Variants in ZFC3H1 observed in about 807,000 individuals in gnomAD.
ZFC3H1 encodes zinc finger C3H1-type containing, also known as zinc finger C3H1 domain-containing protein.
Under a neutral mutation model 243.7 loss-of-function variants are expected in ZFC3H1, and 71 were observed. The observed-to-expected ratio is 0.29, with a 90% CI of 0.24 to 0.36. The LOEUF (loss-of-function observed/expected upper bound fraction) is 0.36. ZFC3H1 is among the 10% of genes least tolerant of loss of function. The pLI is 1.00. For synonymous variants in ZFC3H1, 838 were observed against 813.0 expected (o/e 1.03, Z -0.52); for missense variants, 1,966 against 2,317.1 (o/e 0.85, Z 3.11).
chr12:71,663,461 T>C lies in ZFC3H1; in HGVS notation c.150A>G (p.Leu50=). The C allele has an allele frequency of 1.9e-6, 3 of 1,612,480 alleles. No homozygotes were observed. The highest frequency in any genetic ancestry group is 2.5e-6 in the Non-Finnish European group (3 of 1,180,014). ...GAGGAGGCCTTCGCCGCGGATAGGG[T>C]AACAGCCCGCCGCCGCTGCTGCTGC... ...SSSSSSGGGL[L]PYPRRRPPHS... Residue 50 remains leucine, a synonymous_variant, in exon 1 of 35, where the codon TTA becomes TTG. Coordinates refer to ENST00000378743, the MANE Select transcript of ZFC3H1 (RefSeq NM_144982.5).
intron 27 of ZFC3H1, among the ~76,000 whole-genome samples, chr12:71,616,104 A>G (rs371965601): frequency 1.4e-4 from 22 of 152,270 alleles, no homozygotes; most frequent in South Asian, 8.3e-4. Context: ...AGCCTGGCTA[A>G]CAACTTGGGT....
At chr12:71,618,733 C>A (rs187026877) in intron 27 of ZFC3H1, among the ~76,000 whole-genome samples, 1 of 152,022 alleles carries the variant, frequency 6.6e-6, no homozygotes, top group Non-Finnish European at 1.5e-5. Context: ...GAGCCTCCCC[C>A]CAAAAAATCA....
At chr12:71,645,517 A>C (rs954513907) in intron 3 of ZFC3H1, among the ~76,000 whole-genome samples, 3 of 152,252 alleles carry the variant, frequency 2.0e-5, no homozygotes, top group Non-Finnish European at 2.9e-5. Flanking sequence ...CCAGTAATAG[A>C]GAACAACAGA....
At chr12:71,660,772 T>C (rs2137568075) in intron 1 of ZFC3H1, among the ~76,000 whole-genome samples, 1 of 152,158 alleles carries the variant, frequency 6.6e-6, no homozygotes, top group African/African-American at 2.4e-5. Flanking sequence ...CAACTACTTA[T>C]TTTCATTTGT....
Position 71,614,241 on chromosome 12 carries a change from T to C in ZFC3H1, c.5526+294A>G, listed in dbSNP as rs1014618512. On this transcript the variant is annotated intron_variant, in intron 30 of 34. Coordinates refer to ENST00000378743, the MANE Select transcript of ZFC3H1 (RefSeq NM_144982.5). ...CAGGTATTACAATAGAATCTTTCAT[T>C]TGACGTGTTTTTTCATTAATATGTA... Among the ~76,000 whole-genome samples the C allele has an allele frequency of 5.3e-5, 8 of 152,094 alleles. No individual in the cohort carries two copies. The East Asian group carries it at 1.5e-3, about 29-fold the overall frequency.
chr12:71,630,717 GCTGC>G lies in ZFC3H1; in HGVS notation c.3603_3606del (p.Trp1201CysfsTer24). 1 of 1,609,714 alleles carries G rather than the reference GCTGC, an allele frequency of 6.2e-7. No individual in the cohort carries two copies. Among genetic ancestry groups the G allele is most frequent in the Non-Finnish European group, 8.5e-7 (1 of 1,178,704 alleles). On this transcript the variant is annotated frameshift_variant and splice_region_variant, in exon 18 of 35. Transcript: ENST00000378743. LOFTEE classifies it high-confidence loss of function. ...CGGCTAAGTGTATAGTCTTGTATAT[GCTGC>G]CTAAGATAAAAAAAAACACAGAAAA... is the stretch of plus-strand genomic sequence containing the variant.
intron 16 of ZFC3H1, 71 bp from the exon 17 acceptor site, chr12:71,631,025 T>C (rs1880309412): frequency 7.0e-7 from 1 of 1,419,238 alleles, no homozygotes; most frequent in Admixed American, 2.5e-5. Flanking sequence ...AAAACTTTAG[T>C]TTTTCTTTCT....
At chr12:71,651,965 C>A (rs1387933079) in intron 2 of ZFC3H1, among the ~76,000 whole-genome samples, 3 of 152,126 alleles carry the variant, frequency 2.0e-5, no homozygotes, top group Non-Finnish European at 4.4e-5. Flanking sequence ...ATATGGATTA[C>A]AAACAAGTTT....
intron 22 of ZFC3H1, among the ~76,000 whole-genome samples, chr12:71,625,098 C>T (rs953195357): frequency 5.3e-5 from 8 of 152,176 alleles, no homozygotes; most frequent in East Asian, 1.9e-4. Context: ...ACAGCATTCA[C>T]TTAGGTACAA....
chr12:71,619,929 T>G lies in ZFC3H1; in HGVS notation c.5046A>C (p.Leu1682Phe). The stretch of plus-strand genomic sequence containing the variant: ...AAGAATTATGCATCATTTTTACCTG[T>G]AAGATGAAGAATTTGCACATATGAT... ...VFYHMCKFFI[L>F]QNRGDNLLPF... is the part of the protein sequence containing the mutation. The change falls in exon 26 of 35, where the codon TTA (leucine) becomes TTC (phenylalanine). Residue 1682 changes from leucine to phenylalanine, a missense_variant. Leu to Phe is a conservative substitution (Grantham distance 22). Coordinates refer to ENST00000378743, the MANE Select transcript of ZFC3H1 (RefSeq NM_144982.5). 1 of 1,579,840 alleles carries G rather than the reference T, an allele frequency of 6.3e-7. No homozygotes were observed. Among genetic ancestry groups the G allele is most frequent in the Non-Finnish European group, 8.6e-7 (1 of 1,162,614 alleles).
rs1159868732 is a variant in ZFC3H1, at chr12:71,636,486, T to C, written c.2100+4A>G. The stretch of plus-strand genomic sequence containing the variant: ...TAAAAGTAGCATTAAATTTTTGTTT[T>C]TACCGAGATCACAGTTCGTGGAAGA... On this transcript the variant is annotated splice_donor_region_variant and intron_variant, in intron 9 of 34. Coordinates refer to ENST00000378743, the MANE Select transcript of ZFC3H1 (RefSeq NM_144982.5). 3 of 1,595,430 alleles carry C rather than the reference T, an allele frequency of 1.9e-6. No homozygotes were observed. Among genetic ancestry groups the C allele is most frequent in the Middle Eastern group, 1.7e-4 (1 of 5,970 alleles).
chr12:71,649,889 T>A (rs1880835555), intron 2 of ZFC3H1, among the ~76,000 whole-genome samples: 1 of 152,154 alleles, frequency 6.6e-6, no homozygotes, highest in Non-Finnish European at 1.5e-5. Flanking sequence ...CATTGCTACC[T>A]TAAAAATAAA....
At chr12:71,625,281 T>C (rs1266902313) in intron 22 of ZFC3H1, among the ~76,000 whole-genome samples, 1 of 152,190 alleles carries the variant, frequency 6.6e-6, no homozygotes, top group Non-Finnish European at 1.5e-5. Context: ...CAGCAATAGA[T>C]TTATTTAAAA....
chr12:71,642,225 C>T (rs1343414337), intron 6 of ZFC3H1, among the ~76,000 whole-genome samples: 6 of 152,238 alleles, frequency 3.9e-5, no homozygotes, highest in African/African-American at 1.2e-4. Context: ...AATTTAAAGG[C>T]TATCTAGAAA....
intron 2 of ZFC3H1, among the ~76,000 whole-genome samples, chr12:71,655,278 T>C (rs1373903603): frequency 1.3e-5 from 2 of 152,096 alleles, no homozygotes; most frequent in South Asian, 2.1e-4. Flanking sequence ...CCTACATGTT[T>C]AGAAGAAACA....
chr12:71,626,667 C>T (rs916895133), intron 21 of ZFC3H1, among the ~76,000 whole-genome samples: 2 of 152,140 alleles, frequency 1.3e-5, no homozygotes, highest in Non-Finnish European at 2.9e-5. Flanking sequence ...AGTGAATGTT[C>T]AGTAAGCATT....
chr12:71,626,475 G>T, intron 21 of ZFC3H1, 29 bp from the exon 22 acceptor site: 1 of 1,549,422 alleles, frequency 6.5e-7, no homozygotes, highest in Non-Finnish European at 8.7e-7. Flanking sequence ...AGGTGGAAGT[G>T]CTTTTTAGAA....
chr12:71,615,484 T>C (rs1879872856), intron 27 of ZFC3H1, among the ~76,000 whole-genome samples, 168 bp from the exon 28 acceptor site: 1 of 152,198 alleles, frequency 6.6e-6, no homozygotes, highest in African/African-American at 2.4e-5. Flanking sequence ...GTCACATCTC[T>C]AGGATTACAC....
rs538079303 is a variant in ZFC3H1, at chr12:71,662,950, T to C, written c.598+63A>G. On this transcript the variant is annotated intron_variant, in intron 1 of 34. Coordinates refer to ENST00000378743, the MANE Select transcript of ZFC3H1 (RefSeq NM_144982.5). The stretch of plus-strand genomic sequence containing the variant: ...CAAAGTTACACTCGTCTCACAGACC[T>C]AGTAATGACGCTAAAGGGAACTTTA... 188 of 1,454,514 alleles carry C rather than the reference T, an allele frequency of 1.3e-4. 1 individual carries two copies. The South Asian group carries it at 2.3e-3, about 18-fold the overall frequency. 90.1% of individuals were successfully genotyped at this position (1,454,514 alleles called of 1,614,324 possible).
Sources: allele counts gnomAD v4.1 joint callset (sites outside exome capture counted in the v4.1 genomes callset), GRCh38; gene constraint gnomAD v4.1.1; transcripts MANE v1.5; gene names NCBI Gene and HGNC (gene_info 2026-07-23, HGNC 2026-07-21).